Variants in DCBLD2 observed in about 807,000 individuals in gnomAD.
DCBLD2 encodes discoidin, CUB and LCCL domain-containing protein 2.
Under a neutral mutation model 86.8 loss-of-function variants are expected in DCBLD2, and 54 were observed. The observed-to-expected ratio is 0.62, with a 90% CI of 0.50 to 0.78. The LOEUF is 0.78. Among genes scored for constraint, DCBLD2 ranks in the 30% least tolerant of loss-of-function variants. The pLI is 0.00. For synonymous variants in DCBLD2, 354 were observed against 341.3 expected, an observed-to-expected ratio of 1.04 and a Z score of -0.41; for missense variants, 908 against 954.2, an observed-to-expected ratio of 0.95 and a Z score of 0.64.
intron 2 of DCBLD2, among the ~76,000 whole-genome samples, chr3:98,861,374 AC>A (rs1943040773): frequency 1.3e-5 from 2 of 152,236 alleles, no homozygotes; most frequent in Non-Finnish European, 2.9e-5. Context: ...CACCAAGCAG[AC>A]CTAACACACA....
chr3:98,901,052 G>C lies in DCBLD2; in HGVS notation c.205+70C>G, dbSNP rs550905921. The stretch of plus-strand genomic sequence containing the variant: ...GCCTCCCTGCAGCGTCTGCAGATTT[G>C]TTCAGGGGCCAAGAGACCCGCAGCC... On this transcript the variant is annotated intron_variant, in intron 1 of 15. Transcript: ENST00000326840. 2.5e-5 allele frequency: 38 copies of C among 1,534,032 alleles called. No homozygotes were observed. In the South Asian group the frequency reaches 4.4e-4, roughly 18 times the overall value.
At chr3:98,810,690 T>C (rs115159883) in intron 12 of DCBLD2, among the ~76,000 whole-genome samples, 251 of 152,316 alleles carry the variant, frequency 1.6e-3, no homozygotes, top group Admixed American at 6.5e-3. Context: ...TTAAAAAATA[T>C]AATTGCAAAC....
chr3:98,850,276 C>T (rs1225647599), intron 2 of DCBLD2, among the ~76,000 whole-genome samples: 3 of 152,178 alleles, frequency 2.0e-5, no homozygotes, highest in African/African-American at 7.2e-5. Context: ...TGTCTTGGGC[C>T]ACACATAAAA....
chr3:98,840,030 G>C (rs955316075), intron 3 of DCBLD2, among the ~76,000 whole-genome samples: 3 of 152,218 alleles, frequency 2.0e-5, no homozygotes, highest in Non-Finnish European at 2.9e-5. Flanking sequence ...ACAAGTAAAA[G>C]ATGAAGTCAG....
At chr3:98,837,875 C>CA (rs1942503161) in intron 3 of DCBLD2, among the ~76,000 whole-genome samples, 2 of 142,622 alleles carry the variant, frequency 1.4e-5, no homozygotes, top group African/African-American at 5.4e-5. Flanking sequence ...GGGGCTGACC[C>CA]CCCCACCTCC....
At chr3:98,804,463 G>A (rs1248607242) in intron 13 of DCBLD2, among the ~76,000 whole-genome samples, 1 of 152,032 alleles carries the variant, frequency 6.6e-6, no homozygotes, top group African/African-American at 2.4e-5. Context: ...CTTGCTAGCA[G>A]TCTATCAATT....
intron 3 of DCBLD2, among the ~76,000 whole-genome samples, chr3:98,844,034 G>GCACGCACACACACACACACACA (rs143685510): frequency 6.9e-6 from 1 of 145,526 alleles, no homozygotes; most frequent in East Asian, 2.1e-4. Context: ...AATCATGCAT[G>GCACGCACACACACACACACACA]CACACACACA....
At chr3:98,890,367 A>C (rs1409533845) in intron 1 of DCBLD2, 2 of 152,118 alleles carry the variant, frequency 1.3e-5, no homozygotes, top group African/African-American at 4.8e-5. Context: ...ATCACCAAAA[A>C]GCTAGAAAGA....
intron 1 of DCBLD2, among the ~76,000 whole-genome samples, chr3:98,889,410 A>G (rs1244427912): frequency 1.3e-5 from 2 of 152,018 alleles, no homozygotes; most frequent in African/African-American, 4.8e-5. Context: ...AGTATGTCAG[A>G]AAGATGACCT....
At chr3:98,831,225 TA>T (rs1427188962) in intron 3 of DCBLD2, among the ~76,000 whole-genome samples, 1 of 145,184 alleles carries the variant, frequency 6.9e-6, no homozygotes, top group Non-Finnish European at 1.5e-5. Flanking sequence ...TTTTTTTTGG[TA>T]TTTTTAGTAG....
chr3:98,826,270 T>C (rs1369427451), intron 3 of DCBLD2, among the ~76,000 whole-genome samples: 1 of 152,254 alleles, frequency 6.6e-6, no homozygotes, highest in Non-Finnish European at 1.5e-5. Context: ...CTTGAAGTGC[T>C]GGCCTTGTCT....
chr3:98,861,135 T>C (rs1576187522), intron 2 of DCBLD2, among the ~76,000 whole-genome samples: 1 of 152,290 alleles, frequency 6.6e-6, no homozygotes, highest in African/African-American at 2.4e-5. Flanking sequence ...AGAAGGCCAT[T>C]ACATAATGGT....
At chr3:98,838,019 G>A (rs1457635387) in intron 3 of DCBLD2, among the ~76,000 whole-genome samples, 78 of 91,566 alleles carry the variant, frequency 8.5e-4, no homozygotes, top group Admixed American at 9.8e-4. Flanking sequence ...CTCACCTCCC[G>A]GACGGGGCGG....
intron 1 of DCBLD2, among the ~76,000 whole-genome samples, chr3:98,883,179 T>C (rs1002955273): frequency 6.6e-6 from 1 of 151,736 alleles, no homozygotes; most frequent in Non-Finnish European, 1.5e-5. Context: ...CCAGTGATGA[T>C]GAGCATTTTT....
At chr3:98,853,286 T>TA (rs375233602) in intron 2 of DCBLD2, among the ~76,000 whole-genome samples, 2 of 151,048 alleles carry the variant, frequency 1.3e-5, no homozygotes, top group African/African-American at 4.9e-5. Flanking sequence ...TCTGGAAACT[T>TA]AACATAAATT....
At position 98,881,636 on chromosome 3, in the gene DCBLD2, T is replaced by C. The variant is rs896264377; in HGVS notation, c.337A>G (p.Ile113Val). ...TCAATGTCAAAGTCACCAAATTTGATGCGAACTCTCTCTCCCATCTTTACA... is the reference window on the plus strand; with the variant it reads ...TCAATGTCAAAGTCACCAAATTTGACGCGAACTCTCTCTCCCATCTTTACA... The part of the protein sequence containing the change: ...IRVKMGERVR[I>V]KFGDFDIEDS... Residue 113 changes from isoleucine to valine, a missense_variant, in exon 2 of 16, where the codon ATC (isoleucine) becomes GTC (valine). Ile to Val is a conservative substitution (Grantham distance 29). Coordinates refer to ENST00000326840, the MANE Select transcript of DCBLD2 (RefSeq NM_080927.4). The C allele has an allele frequency of 6.2e-7, 1 of 1,613,972 alleles. No individual in the cohort carries two copies. Among genetic ancestry groups the C allele is most frequent in the Non-Finnish European group, 8.5e-7 (1 of 1,179,880 alleles).
chr3:98,838,732 G>A (rs960465252), intron 3 of DCBLD2, among the ~76,000 whole-genome samples: 13 of 152,198 alleles, frequency 8.5e-5, no homozygotes, highest in African/African-American at 1.4e-4. Flanking sequence ...CCAAGATCAC[G>A]CCACTGCACT....
intron 2 of DCBLD2, among the ~76,000 whole-genome samples, chr3:98,851,956 A>T (rs1942845446): frequency 6.6e-6 from 1 of 152,206 alleles, no homozygotes; most frequent in Non-Finnish European, 1.5e-5. Context: ...AAAGACTTAA[A>T]CGTAAGACCT....
chr3:98,800,489 G>A (rs1941699910), intron 15 of DCBLD2, 90 bp downstream of exon 15: 1 of 1,358,446 alleles, frequency 7.4e-7, no homozygotes, highest in Non-Finnish European at 1.0e-6. Context: ...ACATGAAAGG[G>A]ATCAAAGAAC....
Sources: gnomAD v4.1 joint callset for allele counts (sites outside exome capture counted in the v4.1 genomes callset) on GRCh38, gnomAD v4.1.1 for gene constraint, MANE v1.5 for transcripts, NCBI Gene and HGNC (gene_info 2026-07-23, HGNC 2026-07-21) for gene names.